MMP16: variants seen among roughly 807,000 people sequenced by gnomAD.
MMP16 encodes matrix metallopeptidase 16.
MMP16 carries 12 observed loss-of-function variants against 67.8 expected under a neutral mutation model. That is an observed-to-expected ratio of 0.18 (90% CI 0.11 to 0.29). The LOEUF (loss-of-function observed/expected upper bound fraction) is 0.29, where lower values mean the gene tolerates loss of function less well. Ranked by LOEUF, MMP16 falls within the 10% of genes least tolerant of loss-of-function variation. MMP16 has a pLI of 1.00. For missense variants in MMP16, 475 were observed against 765.7 expected (o/e 0.62, Z 4.48); for synonymous variants, 249 against 255.9 (o/e 0.97, Z 0.26).
At chr8:88,199,016 A>G (rs1445223974) in intron 1 of MMP16, among the ~76,000 whole-genome samples, 1 of 152,076 alleles carries the variant, frequency 6.6e-6, no homozygotes, top group Admixed American at 6.6e-5. Context: ...CAAAATTAGA[A>G]CGTTGTATCT....
At chr8:88,074,804 G>C (rs745725084) in intron 6 of MMP16, 61 bp from the exon 7 acceptor site, 2 of 1,563,656 alleles carry the variant, frequency 1.3e-6, no homozygotes, top group East Asian at 4.6e-5. Flanking sequence ...ATTTCACGGC[G>C]CAATGGCTGG....
At chr8:88,057,865 A>T (rs1359744407) in intron 7 of MMP16, among the ~76,000 whole-genome samples, 1 of 152,164 alleles carries the variant, frequency 6.6e-6, no homozygotes, top group Non-Finnish European at 1.5e-5. Flanking sequence ...AAGAAACCTG[A>T]TCGCTACCCT....
intron 3 of MMP16, among the ~76,000 whole-genome samples, chr8:88,181,674 T>A (rs916957436): frequency 6.6e-6 from 1 of 151,912 alleles, no homozygotes; most frequent in Non-Finnish European, 1.5e-5. Context: ...CAAACTATTA[T>A]GTTTATATTG....
At chr8:88,234,342 C>T (rs1364838288) in intron 1 of MMP16, among the ~76,000 whole-genome samples, 3 of 152,124 alleles carry the variant, frequency 2.0e-5, no homozygotes, top group Non-Finnish European at 2.9e-5. Flanking sequence ...TTACTGCTTT[C>T]CTAAGAATTT....
At chr8:88,135,010 C>G (rs1302555325) in intron 4 of MMP16, among the ~76,000 whole-genome samples, 4 of 151,066 alleles carry the variant, frequency 2.6e-5, no homozygotes, top group Non-Finnish European at 5.9e-5. Context: ...TTTCCTTTTC[C>G]TATAATGAAT....
chr8:88,078,377 T>A (rs912147710), intron 6 of MMP16, among the ~76,000 whole-genome samples: 8 of 152,180 alleles, frequency 5.3e-5, no homozygotes, highest in Non-Finnish European at 1.0e-4. Context: ...TCACATAGTG[T>A]ACACCATGGA....
At position 88,066,843 on chromosome 8, in the gene MMP16, AAAGAG is replaced by A. The variant is rs1351612188; in HGVS notation, c.1222+7757_1222+7761del. On this transcript the variant is annotated intron_variant, in intron 7 of 9. Transcript: ENST00000286614. The stretch of plus-strand genomic sequence containing the variant: ...AGGGATCTGATGCAAAATGTGATAC[AAAGAG>A]AAAACATAAATTAAAAACAAACAAA... 3.3e-5 allele frequency among the ~76,000 whole-genome samples: 5 copies of A among 152,250 alleles called. No homozygotes were observed. In the East Asian group the frequency reaches 7.7e-4, roughly 23 times the overall value.
Position 88,041,551 on chromosome 8 carries a change from A to T in MMP16, c.1734T>A (p.Leu578=). Residue 578 remains leucine (L), a synonymous_variant, in exon 10 of 10, where the codon CTT becomes CTA. Coordinates refer to ENST00000286614, the MANE Select transcript of MMP16 (RefSeq NM_005941.5). This position sits in a 1 kb window ranked among gnomAD's most constrained non-coding sequence, Gnocchi z 6.0. ...ACTGGAACACAGTGTAAACCAATAC[A>T]AGGAGGCATAAGGCCAAGATGCAGG... ...VIPCILALCL[L]VLVYTVFQFK... The T allele has an allele frequency of 6.2e-7, 1 of 1,614,186 alleles. No individual in the cohort carries two copies. Among genetic ancestry groups the T allele is most frequent in the East Asian group, 2.2e-5 (1 of 44,882 alleles).
In MMP16 at chr8:88,036,260, A is replaced by G. The variant is rs923937393; in HGVS notation, c.*5201T>C. Reference sequence around the variant, plus strand: ...TATTACATTGATATATCACATAATCATCACTAGTGCAAAGAGCTTGAAGTT... The same window carrying G: ...TATTACATTGATATATCACATAATCGTCACTAGTGCAAAGAGCTTGAAGTT... On this transcript the variant is annotated 3_prime_UTR_variant, in exon 10 of 10. Coordinates refer to ENST00000286614, the MANE Select transcript of MMP16 (RefSeq NM_005941.5). The G allele has an allele frequency of 1.3e-5, 2 of 151,926 alleles. No homozygotes were observed. The highest frequency in any genetic ancestry group is 4.8e-5 in the African/African-American group (2 of 41,420). 9.4% of individuals were successfully genotyped at this position (151,926 alleles called of 1,614,324 possible).
intron 1 of MMP16, among the ~76,000 whole-genome samples, chr8:88,234,047 A>C (rs1464470411): frequency 1.3e-5 from 2 of 152,222 alleles, no homozygotes; most frequent in Non-Finnish European, 2.9e-5. Context: ...TTTTCAAAAA[A>C]AGAACCTAGC....
intron 4 of MMP16, among the ~76,000 whole-genome samples, chr8:88,153,539 C>A (rs534867892): frequency 2.0e-4 from 30 of 152,136 alleles, no homozygotes; most frequent in African/African-American, 6.3e-4. Flanking sequence ...TGGAACAGAA[C>A]AGAGCCCTCA....
At chr8:88,242,390 A>G (rs1810048007) in intron 1 of MMP16, among the ~76,000 whole-genome samples, 1 of 152,250 alleles carries the variant, frequency 6.6e-6, no homozygotes, top group African/African-American at 2.4e-5. Context: ...CTTATCAACG[A>G]CATCCTTTCA....
chr8:88,305,264 A>T (rs898309001), intron 1 of MMP16, among the ~76,000 whole-genome samples: 1 of 152,222 alleles, frequency 6.6e-6, no homozygotes, highest in Non-Finnish European at 1.5e-5. Flanking sequence ...ATATATATGC[A>T]CCCAATACAG....
At chr8:88,113,255 C>T (rs1809371254) in intron 6 of MMP16, among the ~76,000 whole-genome samples, 1 of 151,502 alleles carries the variant, frequency 6.6e-6, no homozygotes, top group Admixed American at 6.6e-5. Context: ...ATAAAAATCA[C>T]TAGAGAGAAT....
intron 6 of MMP16, among the ~76,000 whole-genome samples, chr8:88,098,120 T>A (rs1445855874): frequency 6.6e-6 from 1 of 151,978 alleles, no homozygotes; most frequent in South Asian, 2.1e-4. Flanking sequence ...AAAACTATTA[T>A]GCTCATCGAT....
At chr8:88,325,384 C>T (rs1461592008) in intron 1 of MMP16, among the ~76,000 whole-genome samples, 1 of 152,136 alleles carries the variant, frequency 6.6e-6, no homozygotes, top group Admixed American at 6.5e-5. Context: ...TCAATCCAGG[C>T]TGTCCTTCCC....
chr8:88,084,759 T>C (rs1304932184), intron 6 of MMP16, among the ~76,000 whole-genome samples: 1 of 151,990 alleles, frequency 6.6e-6, no homozygotes, highest in African/African-American at 2.4e-5. Flanking sequence ...TAGTAAAAAG[T>C]TAAAAAAATA....
At chr8:88,314,766 T>C (rs1022902990) in intron 1 of MMP16, among the ~76,000 whole-genome samples, 21 of 152,188 alleles carry the variant, frequency 1.4e-4, no homozygotes, top group Non-Finnish European at 1.5e-5. Context: ...AACCAGTAGT[T>C]ACTTCACAGG....
intron 4 of MMP16, among the ~76,000 whole-genome samples, chr8:88,160,348 C>T (rs1426709806): frequency 9.2e-5 from 14 of 151,944 alleles, no homozygotes; most frequent in South Asian, 4.2e-4. Context: ...ATATGTGCCA[C>T]ATTTTCTTAA....
Sources: allele counts gnomAD v4.1 joint callset (sites outside exome capture counted in the v4.1 genomes callset), GRCh38; gene constraint gnomAD v4.1.1; non-coding constraint Gnocchi (gnomAD v3.1); transcripts MANE v1.5; gene names NCBI Gene and HGNC (gene_info 2026-07-23, HGNC 2026-07-21).